The following PCDHA11 variants were observed in gnomAD, a reference collection of about 807,000 sequenced individuals.
The protein encoded by PCDHA11 is protocadherin alpha 11.
In PCDHA11, 61 loss-of-function variants were observed where a neutral mutation model predicts 70.3. That is an observed-to-expected ratio of 0.87 (90% CI 0.71 to 1.07). The LOEUF is 1.07. Ranked by LOEUF, PCDHA11 falls within the 50% of genes least tolerant of loss-of-function variation. The probability of loss-of-function intolerance (pLI) is 0.00; values close to 1 mark genes in which losing one functional copy is unlikely to be tolerated. For synonymous variants in PCDHA11, 633 were observed against 555.1 expected (o/e 1.14, Z -1.97); for missense variants, 1,324 against 1,237.5 (o/e 1.07, Z -1.05).
intron 1 of PCDHA11, chr5:140,926,752 C>T (rs1176032200): frequency 8.0e-7 from 1 of 1,254,344 alleles, no homozygotes; most frequent in Admixed American, 3.6e-5. Context: ...CGTCGGCGGT[C>T]GCTGAGTATC....
intron 1 of PCDHA11, among the ~76,000 whole-genome samples, chr5:140,909,254 G>A (rs915513119): frequency 6.6e-6 from 1 of 152,334 alleles, no homozygotes; most frequent in East Asian, 1.9e-4. Context: ...TGCTGGCCTT[G>A]CTGACTGAAG....
intron 3 of PCDHA11, among the ~76,000 whole-genome samples, chr5:141,003,801 A>T (rs1554259323): frequency 1.3e-5 from 2 of 152,172 alleles, no homozygotes; most frequent in African/African-American, 4.8e-5. Context: ...ATTGGGTTGT[A>T]ATCTGTAGTC....
chr5:140,941,475 C>T (rs1554214513), intron 1 of PCDHA11, among the ~76,000 whole-genome samples: 1 of 151,578 alleles, frequency 6.6e-6, no homozygotes, highest in Non-Finnish European at 1.5e-5. Context: ...ACCACCACGC[C>T]TGGCTAATTT....
intron 1 of PCDHA11, chr5:140,967,903 A>C: frequency 6.2e-7 from 1 of 1,614,112 alleles, no homozygotes; most frequent in Non-Finnish European, 8.5e-7. Flanking sequence ...AGAATGCTAC[A>C]CCCAACACCA....
At chr5:140,925,671 A>AATAATAATAATAATAATG (rs1445697337) in intron 1 of PCDHA11, among the ~76,000 whole-genome samples, 3 of 148,150 alleles carry the variant, frequency 2.0e-5, no homozygotes, top group African/African-American at 7.5e-5. Flanking sequence ...TAATAATAAT[A>AATAATAATAATAATAATG]ATAATAAAGC....
chr5:140,900,095 C>G (rs1299633318), intron 1 of PCDHA11, among the ~76,000 whole-genome samples: 1 of 152,160 alleles, frequency 6.6e-6, no homozygotes, highest in Non-Finnish European at 1.5e-5. Flanking sequence ...CAAGCATGCG[C>G]CACCATACCT....
intron 1 of PCDHA11, among the ~76,000 whole-genome samples, chr5:140,934,619 C>G (rs1403192448): frequency 1.3e-5 from 2 of 152,028 alleles, no homozygotes; most frequent in Non-Finnish European, 2.9e-5. Flanking sequence ...GCCTGAGGTA[C>G]AGTTCACACA....
chr5:140,937,089 G>A (rs2091320544), intron 1 of PCDHA11, among the ~76,000 whole-genome samples: 1 of 149,070 alleles, frequency 6.7e-6, no homozygotes, highest in African/African-American at 2.5e-5. Context: ...CCAGGCTGGA[G>A]TGCAGTGGCG....
intron 1 of PCDHA11, among the ~76,000 whole-genome samples, chr5:140,890,344 A>T (rs1482265903): frequency 1.3e-5 from 2 of 152,196 alleles, no homozygotes; most frequent in Admixed American, 6.5e-5. Context: ...GGGATGGTTT[A>T]CTATATAGCA....
intron 3 of PCDHA11, among the ~76,000 whole-genome samples, chr5:141,004,805 A>G (rs1588069791): frequency 6.6e-6 from 1 of 152,310 alleles, no homozygotes; most frequent in African/African-American, 2.4e-5. Flanking sequence ...GCTGAGCTCA[A>G]TTGCAGATTT....
chr5:140,982,784 C>T (rs568886944), intron 3 of PCDHA11, among the ~76,000 whole-genome samples: 9 of 151,444 alleles, frequency 5.9e-5, no homozygotes, highest in South Asian at 2.1e-4. Flanking sequence ...TGTGTGTGCA[C>T]GCATGTGTGC....
chr5:140,941,243 CTT>C (rs782176516), intron 1 of PCDHA11, among the ~76,000 whole-genome samples: 1 of 131,826 alleles, frequency 7.6e-6, no homozygotes, highest in Non-Finnish European at 1.6e-5. Flanking sequence ...TTCTTTCTTT[CTT>C]TCTTTCTTTC....
At position 140,869,029 on chromosome 5, in the gene PCDHA11, A is replaced by T; in HGVS notation, c.-75A>T. 2.6e-6 allele frequency: 4 copies of T among 1,526,468 alleles called. No individual in the cohort carries two copies. Among genetic ancestry groups the T allele is most frequent in the South Asian group, 2.7e-5 (2 of 74,868 alleles). 94.6% of individuals were successfully genotyped at this position (1,526,468 alleles called of 1,614,324 possible). A position where few individuals can be genotyped will look rare whatever the true frequency, so the allele number is the denominator to read the frequency against. ...TGAAACTTCTTAAGAATTCAACGAG[A>T]TTTTTAACCTGAAACTGAAGAATCT... On this transcript the variant is annotated 5_prime_UTR_variant, in exon 1 of 4. Transcript: ENST00000398640.
At chr5:140,884,138 G>C (rs782798249) in intron 1 of PCDHA11, 2 of 1,613,410 alleles carry the variant, frequency 1.2e-6, no homozygotes, top group Non-Finnish European at 1.7e-6. Context: ...CCCGTTCCGC[G>C]TGGGGCTGTA....
rs146702581 is a variant in PCDHA11 at position 140,929,720 on chromosome 5, C to T, written c.2392-49229C>T. ...TATGAATATAATATGGAAGGTGAAA[C>T]ATTTACTTAAACTATTGCAATGCAT... On this transcript the variant is annotated intron_variant, in intron 1 of 3. Coordinates refer to ENST00000398640, the MANE Select transcript of PCDHA11 (RefSeq NM_018902.5). The T allele has an allele frequency of 2.8e-3, 635 of 224,158 alleles. 4 individuals are homozygous for T. The highest frequency in any genetic ancestry group is 6.2e-3 in the African/African-American group (270 of 43,802). 13.9% of individuals were successfully genotyped at this position (224,158 alleles called of 1,614,324 possible).
At chr5:140,881,074 A>G (rs1416572917) in intron 1 of PCDHA11, among the ~76,000 whole-genome samples, 1 of 152,200 alleles carries the variant, frequency 6.6e-6, no homozygotes, top group African/African-American at 2.4e-5. Context: ...TAATTATTGG[A>G]GCTATGATAT....
chr5:140,947,754 G>A (rs1295200380), intron 1 of PCDHA11, among the ~76,000 whole-genome samples: 2 of 151,334 alleles, frequency 1.3e-5, no homozygotes, highest in African/African-American at 2.4e-5. Flanking sequence ...TGTATTTTAT[G>A]GTTTAAAAAA....
Position 141,009,778 on chromosome 5 carries a change from C to T in PCDHA11, c.2691C>T (p.Ser897=). Residue 897 remains serine, a synonymous_variant, in exon 4 of 4, where the codon TCC becomes TCT. Transcript: ENST00000398640. ...FIIPGSPAII[S]IRQEPTNSQI... ...TCCCAGGATCTCCTGCAATCATCTCCATCCGGCAGGAGCCTACTAACAGCC... is the reference window on the plus strand; with the variant it reads ...TCCCAGGATCTCCTGCAATCATCTCTATCCGGCAGGAGCCTACTAACAGCC... 1.2e-6 allele frequency: 2 copies of T among 1,614,122 alleles called. No homozygotes were observed.
chr5:140,963,072 CAG>C (rs1366711310), intron 1 of PCDHA11, among the ~76,000 whole-genome samples: 5 of 151,824 alleles, frequency 3.3e-5, no homozygotes, highest in African/African-American at 1.2e-4. Flanking sequence ...GTGAAGGAGA[CAG>C]AAATATAAGA....
Sources: gnomAD v4.1 joint callset for allele counts (sites outside exome capture counted in the v4.1 genomes callset) on GRCh38, gnomAD v4.1.1 for gene constraint, MANE v1.5 for transcripts, NCBI Gene and HGNC (gene_info 2026-07-23, HGNC 2026-07-21) for gene names.